CTCF: variants seen among roughly 807,000 people sequenced by gnomAD.
The protein encoded by CTCF is CCCTC-binding factor.
Under a neutral mutation model 72.3 loss-of-function variants are expected in CTCF, and 7 were observed. The ratio of observed to expected loss-of-function variants is 0.10; its 90% confidence interval spans 0.06 to 0.18. The LOEUF is 0.18. Among genes scored for constraint, CTCF ranks in the 10% least tolerant of loss-of-function variants. CTCF has a pLI of 1.00. For missense variants in CTCF, 516 were observed against 949.1 expected (o/e 0.54, Z 6.00); for synonymous variants, 374 against 315.8 (o/e 1.18, Z -1.95).
At chr16:67,617,036 T>G (rs747679074) in intron 5 of CTCF, among the ~76,000 whole-genome samples, 158 bp downstream of exon 5, 2 of 152,160 alleles carry the variant, frequency 1.3e-5, no homozygotes, top group Non-Finnish European at 2.9e-5. Context: ...AAAAAACTTA[T>G]GATGATTGTG....
At chr16:67,576,943 C>G (rs1317007440) in intron 2 of CTCF, among the ~76,000 whole-genome samples, 5 of 151,932 alleles carry the variant, frequency 3.3e-5, no homozygotes, top group African/African-American at 7.3e-5. Flanking sequence ...GGTATGATCT[C>G]GTGAGAGTAA....
At position 67,629,316 on chromosome 16, in the gene CTCF, T is replaced by C. The variant is rs1394792447; in HGVS notation, c.1702-82T>C. 44 of 1,370,280 alleles carry C rather than the reference T, an allele frequency of 3.2e-5. 1 individual carries two copies. The East Asian group carries it at 7.7e-4, about 24-fold the overall frequency. 84.9% of individuals were successfully genotyped at this position (1,370,280 alleles called of 1,614,324 possible). On this transcript the variant is annotated intron_variant, in intron 9 of 11. Coordinates refer to ENST00000264010, the MANE Select transcript of CTCF (RefSeq NM_006565.4). ...GATACTAGAATTTTTAGGCTTAATA[T>C]GGATTTTATTAAAGTAAATAACTTC...
intron 4 of CTCF, among the ~76,000 whole-genome samples, chr16:67,614,059 T>C (rs1300171775): frequency 6.6e-6 from 1 of 152,096 alleles, no homozygotes; most frequent in African/African-American, 2.4e-5. Flanking sequence ...GTTACGATGC[T>C]GTAGCAGCCG....
intron 2 of CTCF, among the ~76,000 whole-genome samples, chr16:67,594,084 T>TAAAAA (rs2051780552): frequency 6.6e-6 from 1 of 152,158 alleles, no homozygotes; most frequent in Non-Finnish European, 1.5e-5. Context: ...CCTGTAATTG[T>TAAAAA]GTTTTTGGGA....
chr16:67,601,294 C>CGTGT (rs58241150), intron 2 of CTCF, among the ~76,000 whole-genome samples: 3,545 of 98,608 alleles, frequency 0.036, 70 homozygotes, highest in Middle Eastern at 0.059. Flanking sequence ...ACTCTGTCAC[C>CGTGT]GTGTGTGTGT....
intron 2 of CTCF, among the ~76,000 whole-genome samples, chr16:67,592,900 G>GC (rs1051243098): frequency 2.0e-5 from 3 of 151,620 alleles, no homozygotes; most frequent in Admixed American, 2.0e-4. Context: ...AGTGGCATGT[G>GC]CCTGTAGTCC....
chr16:67,604,848 G>C (rs936419115), intron 2 of CTCF, among the ~76,000 whole-genome samples: 14 of 147,102 alleles, frequency 9.5e-5, no homozygotes, highest in Non-Finnish European at 2.1e-4. Context: ...CTATTGAACA[G>C]TGCCAGCCTA....
rs118007750 is a variant in CTCF at position 67,633,607 on chromosome 16, A to G, written c.1838-3083A>G. Among the ~76,000 whole-genome samples the G allele has an allele frequency of 5.6e-3, 854 of 152,248 alleles. 34 individuals are homozygous for G. In the East Asian group the frequency reaches 0.1, roughly 18 times the overall value. ...TTACCTTAGTAAATAGGACCTCACA[A>G]TGCGTAAGAATTTCTGGCCAGGCGT... is the stretch of plus-strand genomic sequence containing the variant. On this transcript the variant is annotated intron_variant, in intron 10 of 11. Coordinates refer to ENST00000264010, the MANE Select transcript of CTCF (RefSeq NM_006565.4).
At chr16:67,565,397 G>C (rs2051329835) in intron 1 of CTCF, among the ~76,000 whole-genome samples, 1 of 152,074 alleles carries the variant, frequency 6.6e-6, no homozygotes, top group African/African-American at 2.4e-5. Flanking sequence ...AGTTGTGGCT[G>C]GGAGCGGTGG....
chr16:67,608,347 A>G (rs1008316136), intron 2 of CTCF, among the ~76,000 whole-genome samples: 1 of 145,884 alleles, frequency 6.9e-6, no homozygotes, highest in South Asian at 2.4e-4. Flanking sequence ...AAAAAAAAAA[A>G]ACGACTTGTT....
intron 2 of CTCF, among the ~76,000 whole-genome samples, chr16:67,589,558 G>A (rs911724584): frequency 4.6e-5 from 7 of 152,190 alleles, no homozygotes; most frequent in South Asian, 2.1e-4. Flanking sequence ...TATGTTAACC[G>A]TTGTTACAGT....
chr16:67,612,718 A>G (rs2052077583), intron 4 of CTCF, among the ~76,000 whole-genome samples: 1 of 152,032 alleles, frequency 6.6e-6, no homozygotes, highest in Admixed American at 6.6e-5. Flanking sequence ...AGATCACTTG[A>G]GATTAGAAGT....
rs750882989 is a variant in CTCF at position 67,638,141 on chromosome 16, C to T, written c.*269C>T. On this transcript the variant is annotated 3_prime_UTR_variant, in exon 12 of 12. Coordinates refer to ENST00000264010, the MANE Select transcript of CTCF (RefSeq NM_006565.4). ...CAGTGTTGACAACTAACTCGTTTTC[C>T]TAGATGGAAACGGAGACATTGACCC... is the stretch of plus-strand genomic sequence containing the variant. 4.5e-4 allele frequency: 171 copies of T among 376,808 alleles called. No individual in the cohort carries two copies. Among genetic ancestry groups the T allele is most frequent in the Non-Finnish European group, 4.4e-4 (92 of 209,634 alleles). The allele number at this position is 376,808 out of a possible 1,614,324, so 23.3% of individuals were successfully genotyped here.
intron 4 of CTCF, among the ~76,000 whole-genome samples, chr16:67,613,350 A>G (rs2052085922): frequency 6.6e-6 from 1 of 152,234 alleles, no homozygotes; most frequent in African/African-American, 2.4e-5. Flanking sequence ...GACCATGATC[A>G]AGTGGGTGTT....
Position 67,629,529 on chromosome 16 carries a change from C to T in CTCF, c.1833C>T (p.Asp611=), listed in dbSNP as rs2142870015. 2 of 1,612,998 alleles carry T rather than the reference C, an allele frequency of 1.2e-6. No individual in the cohort carries two copies. Among genetic ancestry groups the T allele is most frequent in the Non-Finnish European group, 1.7e-6 (2 of 1,179,674 alleles). The change falls in exon 10 of 12, where the codon GAC becomes GAT. Residue 611 remains aspartate, a synonymous_variant. Transcript: ENST00000264010. ...KMRSKKEDSS[D]SENAEPDLDD... is the part of the protein sequence containing the mutation. Reference sequence around the variant, plus strand: ...GCTCTAAGAAAGAAGATTCCTCTGACAGTGGTAAGTGACTTGTTCCTTGAT... The same window carrying T: ...GCTCTAAGAAAGAAGATTCCTCTGATAGTGGTAAGTGACTTGTTCCTTGAT...
intron 2 of CTCF, among the ~76,000 whole-genome samples, chr16:67,576,560 T>TG (rs1444287802): frequency 2.0e-5 from 3 of 148,216 alleles, no homozygotes; most frequent in African/African-American, 5.0e-5. Context: ...GTTTTTTTTT[T>TG]TTTTTTTTTT....
intron 2 of CTCF, among the ~76,000 whole-genome samples, chr16:67,597,115 C>G (rs149007371): frequency 6.6e-6 from 1 of 152,198 alleles, no homozygotes; most frequent in African/African-American, 2.4e-5. Context: ...CTCACTGCAG[C>G]CTCAACCTCC....
intron 1 of CTCF, among the ~76,000 whole-genome samples, chr16:67,567,415 T>G (rs1209754572): frequency 6.6e-6 from 1 of 152,130 alleles, no homozygotes; most frequent in Non-Finnish European, 1.5e-5. Flanking sequence ...GAAGTGTTGG[T>G]TGGACTAAAT....
chr16:67,585,378 GACA>G (rs1410939740), intron 2 of CTCF, among the ~76,000 whole-genome samples: 5 of 152,286 alleles, frequency 3.3e-5, no homozygotes, highest in South Asian at 2.1e-4. Flanking sequence ...GTATTTTTCA[GACA>G]ACAAGAGCAG....
Sources: gnomAD v4.1 joint callset for allele counts (sites outside exome capture counted in the v4.1 genomes callset) on GRCh38, gnomAD v4.1.1 for gene constraint, MANE v1.5 for transcripts, NCBI Gene and HGNC (gene_info 2026-07-23, HGNC 2026-07-21) for gene names.